The following RANBP2 variants were observed in gnomAD, a reference collection of about 807,000 sequenced individuals.
RANBP2 encodes RAN binding protein 2.
A neutral mutation model predicts 303.6 loss-of-function variants in RANBP2; 57 were observed. The observed-to-expected ratio is 0.19, with a 90% CI of 0.15 to 0.23. The LOEUF is 0.23. Among genes scored for constraint, RANBP2 ranks in the 10% least tolerant of loss-of-function variants. RANBP2 has a pLI of 1.00. For missense variants in RANBP2, 3,138 were observed against 3,780.8 expected, an observed-to-expected ratio of 0.83 and a Z score of 4.46; for synonymous variants, 1,167 against 1,301.5, an observed-to-expected ratio of 0.90 and a Z score of 2.23.
intron 1 of RANBP2, among the ~76,000 whole-genome samples, chr2:108,726,168 A>G (rs1386734195): frequency 2.0e-5 from 3 of 152,178 alleles, no homozygotes; most frequent in Admixed American, 6.5e-5. Context: ...TAACATGGTA[A>G]AAATCTCACG....
the RANBP2 span, among the ~76,000 whole-genome samples, chr2:109,643,226 T>A: frequency 6.6e-6 from 1 of 151,214 alleles, no homozygotes; most frequent in Non-Finnish European, 1.5e-5. Context: ...CCAACTTGGC[T>A]AGAAAAGCAT....
the RANBP2 span, among the ~76,000 whole-genome samples, chr2:109,006,601 G>C: frequency 6.6e-6 from 1 of 152,196 alleles, no homozygotes; most frequent in East Asian, 1.9e-4. Context: ...AGTGACCTCA[G>C]TGGGATGTGG....
the RANBP2 span, among the ~76,000 whole-genome samples, chr2:109,314,888 C>T: frequency 0.31 from 47,443 of 152,114 alleles, 9,170 homozygotes; most frequent in African/African-American, 0.55. Context: ...GAGATTGAAG[C>T]AGAGCTAAGC....
chr2:109,119,311 A>G, the RANBP2 span, among the ~76,000 whole-genome samples: 1 of 152,172 alleles, frequency 6.6e-6, no homozygotes, highest in Non-Finnish European at 1.5e-5. Context: ...CCTGTCCGTG[A>G]AACAGTCCCA....
the RANBP2 span, among the ~76,000 whole-genome samples, chr2:108,964,136 G>A: frequency 6.6e-6 from 1 of 152,176 alleles, no homozygotes; most frequent in South Asian, 2.1e-4. Context: ...ACCCCACTGG[G>A]CAGCACAGAA....
At chr2:108,974,055 C>T in the RANBP2 span, among the ~76,000 whole-genome samples, 1,095 of 151,806 alleles carry the variant, frequency 7.2e-3, 16 homozygotes, top group African/African-American at 0.025. Context: ...ATTGGTCAGG[C>T]GCGGTGGCTC....
At chr2:109,713,492 C>T in the RANBP2 span, among the ~76,000 whole-genome samples, 1 of 152,204 alleles carries the variant, frequency 6.6e-6, no homozygotes, top group Non-Finnish European at 1.5e-5. Context: ...CCCATACAGC[C>T]TCTCAGCGCT....
At chr2:108,920,090 C>G in the RANBP2 span, among the ~76,000 whole-genome samples, 2 of 152,252 alleles carry the variant, frequency 1.3e-5, no homozygotes, top group African/African-American at 4.8e-5. Flanking sequence ...AATCTCTTTC[C>G]CCTTCTGTGT....
At chr2:109,487,509 C>G in the RANBP2 span, among the ~76,000 whole-genome samples, 1 of 152,230 alleles carries the variant, frequency 6.6e-6, no homozygotes, top group African/African-American at 2.4e-5. Flanking sequence ...GCCATGACAT[C>G]AGCGTTTTTC....
At chr2:109,307,412 T>G in the RANBP2 span, among the ~76,000 whole-genome samples, 1 of 145,452 alleles carries the variant, frequency 6.9e-6, no homozygotes, top group Admixed American at 6.8e-5. Context: ...TTGGAGCAGA[T>G]AAGATGCACT....
chr2:109,411,579 A>T, the RANBP2 span, among the ~76,000 whole-genome samples: 1 of 152,292 alleles, frequency 6.6e-6, no homozygotes, highest in East Asian at 1.9e-4. Context: ...TCGGGAAGCC[A>T]CGACCAGTGT....
the RANBP2 span, among the ~76,000 whole-genome samples, chr2:109,693,436 G>A: frequency 5.3e-5 from 8 of 152,180 alleles, no homozygotes; most frequent in African/African-American, 1.9e-4. Flanking sequence ...TGGTATTACA[G>A]GTGTGAGCCA....
the RANBP2 span, among the ~76,000 whole-genome samples, chr2:109,140,932 T>G: frequency 6.6e-6 from 1 of 152,196 alleles, no homozygotes; most frequent in African/African-American, 2.4e-5. Flanking sequence ...GAGAAGCCCT[T>G]ACTTTCATAA....
At chr2:109,471,206 C>CAAAAAAAA in the RANBP2 span, among the ~76,000 whole-genome samples, 2 of 40,160 alleles carry the variant, frequency 5.0e-5, no homozygotes, top group Admixed American at 2.6e-4. Flanking sequence ...GACTCTGTCT[C>CAAAAAAAA]AAAAAAAAAA....
At chr2:109,552,996 A>G in the RANBP2 span, 10 of 1,458,926 alleles carry the variant, frequency 6.9e-6, no homozygotes, top group Non-Finnish European at 8.4e-6. Context: ...TAGCCTACAA[A>G]AGAGTCTCAA....
At chr2:108,833,450 A>G in the RANBP2 span, among the ~76,000 whole-genome samples, 1 of 152,236 alleles carries the variant, frequency 6.6e-6, no homozygotes, top group Non-Finnish European at 1.5e-5. Context: ...GGAAGTAGAG[A>G]TAGAGTAGGC....
chr2:109,277,409 G>A, the RANBP2 span, among the ~76,000 whole-genome samples: 5 of 152,308 alleles, frequency 3.3e-5, no homozygotes, highest in African/African-American at 9.6e-5. Context: ...TCAACTTTGT[G>A]TTCTCAATTA....
the RANBP2 span, among the ~76,000 whole-genome samples, chr2:109,014,190 A>G: frequency 1.3e-5 from 2 of 152,232 alleles, no homozygotes; most frequent in African/African-American, 4.8e-5. Flanking sequence ...GTGAAGAGAC[A>G]GGCTTTCTTT....
chr2:109,639,278 C>T, the RANBP2 span, among the ~76,000 whole-genome samples: 1 of 152,180 alleles, frequency 6.6e-6, no homozygotes, highest in Admixed American at 6.5e-5. Context: ...CCTCTAAAGT[C>T]TTCTGCAGGC....
Sources: allele counts gnomAD v4.1 joint callset (sites outside exome capture counted in the v4.1 genomes callset), GRCh38; gene constraint gnomAD v4.1.1; transcripts MANE v1.5; gene names NCBI Gene and HGNC (gene_info 2026-07-23, HGNC 2026-07-21).